The following RSBN1L variants were observed in gnomAD, a reference collection of about 807,000 sequenced individuals.
RSBN1L encodes round spermatid basic protein 1 like.
RSBN1L carries 30 observed loss-of-function variants against 67.7 expected under a neutral mutation model. The observed-to-expected ratio is 0.44, with a 90% CI of 0.33 to 0.60. The LOEUF (loss-of-function observed/expected upper bound fraction) is 0.60. Ranked by LOEUF, RSBN1L falls within the 20% of genes least tolerant of loss-of-function variation. RSBN1L has a pLI of 0.02. For synonymous variants in RSBN1L, 433 were observed against 387.0 expected, an observed-to-expected ratio of 1.12 and a Z score of -1.39; for missense variants, 992 against 1,031.7, an observed-to-expected ratio of 0.96 and a Z score of 0.53.
intron 1 of RSBN1L, among the ~76,000 whole-genome samples, chr7:77,731,495 C>G (rs948872892): frequency 6.6e-6 from 1 of 152,190 alleles, no homozygotes; most frequent in African/African-American, 2.4e-5. Flanking sequence ...CTCAGCCTTC[C>G]AAAATGCTGG....
chr7:77,713,885 A>G (rs1207777681), intron 1 of RSBN1L, among the ~76,000 whole-genome samples: 1 of 152,280 alleles, frequency 6.6e-6, no homozygotes, highest in East Asian at 1.9e-4. Context: ...TTGTTATTTT[A>G]TATGACATTA....
At chr7:77,709,215 T>C (rs1790937073) in intron 1 of RSBN1L, among the ~76,000 whole-genome samples, 2 of 151,784 alleles carry the variant, frequency 1.3e-5, no homozygotes, top group South Asian at 4.2e-4. Flanking sequence ...TGTATGTGTA[T>C]GTGTGTCTGC....
intron 1 of RSBN1L, among the ~76,000 whole-genome samples, chr7:77,716,892 A>G (rs1379842738): frequency 6.6e-6 from 1 of 151,630 alleles, no homozygotes; most frequent in Admixed American, 6.6e-5. Flanking sequence ...TGGCCTCCCA[A>G]AGTGCTGAAA....
chr7:77,767,158 G>A (rs935069431), intron 4 of RSBN1L, among the ~76,000 whole-genome samples: 15 of 150,510 alleles, frequency 1.0e-4, no homozygotes, highest in African/African-American at 3.4e-4. Context: ...TGAAGTCCTG[G>A]GCTCAAGCAG....
chr7:77,758,412 A>G (rs551540401), intron 3 of RSBN1L, among the ~76,000 whole-genome samples: 1 of 152,342 alleles, frequency 6.6e-6, no homozygotes, highest in East Asian at 1.9e-4. Context: ...ATGTCTTGAT[A>G]CAAGCATGCA....
At position 77,696,654 on chromosome 7, in the gene RSBN1L, G is replaced by T; in HGVS notation, c.185G>T (p.Ser62Ile). The T allele has an allele frequency of 1.2e-6, 2 of 1,612,664 alleles. No individual in the cohort carries two copies. The highest frequency in any genetic ancestry group is 4.5e-5 in the East Asian group (2 of 44,876). ...APRRVNGEGG[S>I]GGNSRQLQPP... ...CGGAGAGTGAACGGAGAAGGGGGCA[G>T]CGGCGGGAACAGCAGGCAGCTGCAG... Residue 62 changes from serine to isoleucine, a missense_variant, in exon 1 of 8, where the codon AGC (serine) becomes ATC (isoleucine). Transcript: ENST00000334955.
chr7:77,701,761 C>A (rs1329331361), intron 1 of RSBN1L, among the ~76,000 whole-genome samples: 3 of 151,356 alleles, frequency 2.0e-5, no homozygotes, highest in African/African-American at 7.3e-5. Flanking sequence ...AAGCAATTCT[C>A]CTGCCTCAGC....
chr7:77,697,582 A>G (rs1790756491), intron 1 of RSBN1L, among the ~76,000 whole-genome samples: 1 of 152,106 alleles, frequency 6.6e-6, no homozygotes, highest in South Asian at 2.1e-4. Flanking sequence ...GAAATGAGGT[A>G]GCGTGCAGGG....
intron 4 of RSBN1L, among the ~76,000 whole-genome samples, chr7:77,766,206 A>AT (rs1020427896): frequency 6.6e-6 from 1 of 152,068 alleles, no homozygotes; most frequent in Non-Finnish European, 1.5e-5. Flanking sequence ...TATTTAATTT[A>AT]TTTTTTTGAG....
chr7:77,710,958 T>G (rs1200969343), intron 1 of RSBN1L, among the ~76,000 whole-genome samples: 2 of 152,188 alleles, frequency 1.3e-5, no homozygotes, highest in East Asian at 1.9e-4. Flanking sequence ...GAAAGCTGGG[T>G]CTGTGATTAT....
intron 6 of RSBN1L, among the ~76,000 whole-genome samples, chr7:77,774,223 T>C (rs1791882864): frequency 6.6e-6 from 1 of 152,232 alleles, no homozygotes; most frequent in Admixed American, 6.5e-5. Flanking sequence ...TTTAATATAC[T>C]TGAGGTGTCA....
chr7:77,725,918 T>C (rs917158427), intron 1 of RSBN1L, among the ~76,000 whole-genome samples: 1 of 152,056 alleles, frequency 6.6e-6, no homozygotes, highest in Non-Finnish European at 1.5e-5. Context: ...AACCTAAATA[T>C]ACTATATATA....
rs1426384209 is a variant in RSBN1L, at chr7:77,766,825, C to G, written c.1482+1193C>G. ...TCTTCCCTTTCTCTTTAACCTTGTT[C>G]CATTCCTTTTTCTCTTTTCCTTTTA... is the stretch of plus-strand genomic sequence containing the variant. On this transcript the variant is annotated intron_variant, in intron 4 of 7. Coordinates refer to ENST00000334955, the MANE Select transcript of RSBN1L (RefSeq NM_198467.3). Among the ~76,000 whole-genome samples the G allele has an allele frequency of 2.0e-5, 3 of 152,170 alleles. No individual in the cohort carries two copies. The East Asian group carries it at 5.8e-4, about 29-fold the overall frequency.
chr7:77,726,982 C>G (rs1791212169), intron 1 of RSBN1L, among the ~76,000 whole-genome samples: 1 of 151,510 alleles, frequency 6.6e-6, no homozygotes, highest in African/African-American at 2.4e-5. Flanking sequence ...GGGGTTTCAC[C>G]ATGTTGGCCA....
chr7:77,726,595 C>T (rs1326179504), intron 1 of RSBN1L, among the ~76,000 whole-genome samples: 2 of 152,106 alleles, frequency 1.3e-5, no homozygotes, highest in East Asian at 1.9e-4. Flanking sequence ...TTCCTCAGCT[C>T]GTTTAGTATC....
At chr7:77,727,095 T>TC (rs1469401379) in intron 1 of RSBN1L, among the ~76,000 whole-genome samples, 2 of 149,632 alleles carry the variant, frequency 1.3e-5, no homozygotes, top group Non-Finnish European at 3.0e-5. Flanking sequence ...TCTGCTTTTT[T>TC]TTTTTTTTTG....
chr7:77,771,835 TC>T (rs1360997101), intron 5 of RSBN1L, among the ~76,000 whole-genome samples: 7 of 151,656 alleles, frequency 4.6e-5, no homozygotes, highest in Non-Finnish European at 1.0e-4. Flanking sequence ...AATTTTTTTT[TC>T]TTTTTTTTAG....
chr7:77,736,794 A>G (rs1444382039), intron 2 of RSBN1L, among the ~76,000 whole-genome samples: 1 of 152,162 alleles, frequency 6.6e-6, no homozygotes, highest in Non-Finnish European at 1.5e-5. Context: ...AGTTAATTCT[A>G]TGTTTGCATT....
rs368115039 is a variant in RSBN1L at position 77,696,490 on chromosome 7, C to A, written c.21C>A (p.Pro7=). Residue 7 remains proline (P), a synonymous_variant, in exon 1 of 8, where the codon CCC becomes CCA. Transcript: ENST00000334955. MAEPPS[P]VHCVAAAAPT... is the part of the protein sequence containing the mutation. ...GCAAAATGGCGGAACCGCCGAGCCC[C>A]GTGCACTGTGTCGCTGCCGCGGCCC... The A allele has an allele frequency of 1.2e-6, 2 of 1,612,922 alleles. No individual in the cohort carries two copies. The highest frequency in any genetic ancestry group is 1.7e-5 in the Admixed American group (1 of 59,994).
Sources: allele counts gnomAD v4.1 joint callset (sites outside exome capture counted in the v4.1 genomes callset), GRCh38; gene constraint gnomAD v4.1.1; transcripts MANE v1.5; gene names NCBI Gene and HGNC (gene_info 2026-07-23, HGNC 2026-07-21).